The following IPO11 variants were observed in gnomAD, a reference collection of about 807,000 sequenced individuals.
IPO11 encodes importin 11.
In IPO11, 66 loss-of-function variants were observed where a neutral mutation model predicts 143.2. That is an observed-to-expected ratio of 0.46 (90% CI 0.38 to 0.57). The LOEUF is 0.57. Ranked by LOEUF, IPO11 falls within the 20% of genes least tolerant of loss-of-function variation. The pLI is 0.00. For synonymous variants in IPO11, 385 were observed against 377.8 expected (o/e 1.02, Z -0.22); for missense variants, 1,026 against 1,141.0 (o/e 0.90, Z 1.45).
chr5:62,600,953 A>AT (rs1278770523), intron 28 of IPO11, among the ~76,000 whole-genome samples: 2 of 152,236 alleles, frequency 1.3e-5, no homozygotes, highest in African/African-American at 4.8e-5. Flanking sequence ...TTAGTTCTGT[A>AT]TTAAAAGCTG....
Position 62,477,693 on chromosome 5 carries a change from A to G in IPO11, c.828+940A>G, listed in dbSNP as rs1329935860. 3.3e-5 allele frequency among the ~76,000 whole-genome samples: 5 copies of G among 152,248 alleles called. No homozygotes were observed. In the East Asian group the frequency reaches 7.7e-4, roughly 23 times the overall value. ...CTTGCCTGCGGCTCTGCTGCCTCACAGTCCCTACTCACTATATCAGTTACA... is the reference window on the plus strand; with the variant it reads ...CTTGCCTGCGGCTCTGCTGCCTCACGGTCCCTACTCACTATATCAGTTACA... On this transcript the variant is annotated intron_variant, in intron 9 of 29. Coordinates refer to ENST00000325324, the MANE Select transcript of IPO11 (RefSeq NM_016338.5).
intron 25 of IPO11, among the ~76,000 whole-genome samples, chr5:62,551,022 T>TATAC (rs1166616107): frequency 6.8e-6 from 1 of 147,634 alleles, no homozygotes; most frequent in Non-Finnish European, 1.5e-5. Context: ...CTTTATTGTA[T>TATAC]ATATATATAT....
At chr5:62,474,152 T>G (rs576287654) in intron 7 of IPO11, among the ~76,000 whole-genome samples, 1 of 152,304 alleles carries the variant, frequency 6.6e-6, no homozygotes, top group Admixed American at 6.5e-5. Context: ...TGAAACAGGA[T>G]GCTTAAAAAG....
intron 9 of IPO11, among the ~76,000 whole-genome samples, chr5:62,480,015 A>G (rs535066534): frequency 1.3e-4 from 20 of 152,296 alleles, no homozygotes; most frequent in Admixed American, 3.9e-4. Context: ...GTCTTTGCCC[A>G]TACCTATGTC....
At chr5:62,624,980 C>CAAAAAAAAAAAAA (rs141431600) in intron 29 of IPO11, among the ~76,000 whole-genome samples, 1 of 89,716 alleles carries the variant, frequency 1.1e-5, no homozygotes, top group Non-Finnish European at 2.2e-5. Flanking sequence ...GCGAGAGACT[C>CAAAAAAAAAAAAA]AAAAAAAAAA....
intron 1 of IPO11, among the ~76,000 whole-genome samples, chr5:62,430,081 T>A (rs186581651): frequency 6.6e-6 from 1 of 152,258 alleles, no homozygotes; most frequent in African/African-American, 2.4e-5. Context: ...ATTTACCCAT[T>A]CATCACATGA....
At chr5:62,569,563 A>G (rs970401246) in intron 27 of IPO11, among the ~76,000 whole-genome samples, 1 of 152,106 alleles carries the variant, frequency 6.6e-6, no homozygotes, top group Non-Finnish European at 1.5e-5. Context: ...CCTAGTTTCC[A>G]TTATCTGATT....
In IPO11 at chr5:62,442,967, T is replaced by C; in HGVS notation, c.139-16T>C. 4.3e-6 allele frequency: 6 copies of C among 1,407,868 alleles called. No homozygotes were observed. Among genetic ancestry groups the C allele is most frequent in the Non-Finnish European group, 6.0e-6 (6 of 1,006,056 alleles). 87.2% of individuals were successfully genotyped at this position (1,407,868 alleles called of 1,614,324 possible). On this transcript the variant is annotated splice_polypyrimidine_tract_variant and intron_variant, in intron 2 of 29. Transcript: ENST00000325324. ...TTATTCCATGCTAATTCTAATATTA[T>C]GTTTTTTATTTATAGAATATTTTCA...
chr5:62,603,730 C>A (rs188320052), intron 29 of IPO11, among the ~76,000 whole-genome samples: 1 of 152,344 alleles, frequency 6.6e-6, no homozygotes, highest in Admixed American at 6.5e-5. Flanking sequence ...CATGCAAACT[C>A]CACACAGACA....
chr5:62,462,567 G>A (rs1183017398), intron 5 of IPO11, among the ~76,000 whole-genome samples: 1 of 150,940 alleles, frequency 6.6e-6, no homozygotes, highest in Non-Finnish European at 1.5e-5. Flanking sequence ...ACAGGGTTTT[G>A]TCTCCCAAGC....
intron 27 of IPO11, among the ~76,000 whole-genome samples, chr5:62,588,396 T>C (rs1412959428): frequency 1.3e-5 from 2 of 152,082 alleles, no homozygotes. Flanking sequence ...TGCCCCCAGC[T>C]AATTTTCTTC....
intron 27 of IPO11, among the ~76,000 whole-genome samples, chr5:62,566,716 T>C (rs1455372039): frequency 2.0e-5 from 3 of 148,112 alleles, no homozygotes; most frequent in African/African-American, 7.6e-5. Flanking sequence ...CCAGCCTGGG[T>C]GACACAGTAA....
chr5:62,461,949 G>A (rs933230202), intron 5 of IPO11, among the ~76,000 whole-genome samples: 1 of 152,128 alleles, frequency 6.6e-6, no homozygotes, highest in African/African-American at 2.4e-5. Context: ...CAAAGTTAAG[G>A]ATTTTGAAGC....
At chr5:62,444,097 C>CT (rs533439906) in intron 3 of IPO11, among the ~76,000 whole-genome samples, 24,485 of 139,102 alleles carry the variant, frequency 0.18, 2,330 homozygotes, top group East Asian at 0.31. Flanking sequence ...ATGTCTTTTT[C>CT]TTTTTTTTTT....
intron 16 of IPO11, among the ~76,000 whole-genome samples, chr5:62,496,202 C>G (rs565784281): frequency 6.6e-6 from 1 of 151,724 alleles, no homozygotes; most frequent in South Asian, 2.1e-4. Context: ...GCAGGAGAAT[C>G]GCTTGAACCT....
chr5:62,526,116 A>G (rs769234643), intron 20 of IPO11, 26 bp from the exon 21 acceptor site: 3 of 1,480,666 alleles, frequency 2.0e-6, no homozygotes, highest in African/African-American at 1.4e-5. Flanking sequence ...GTGTCTTATT[A>G]TAAGTTTTAT....
chr5:62,498,359 T>C (rs1217340558), intron 16 of IPO11, among the ~76,000 whole-genome samples: 1 of 152,156 alleles, frequency 6.6e-6, no homozygotes, highest in African/African-American at 2.4e-5. Flanking sequence ...TCCCTTCCTT[T>C]CCCCTTTATA....
intron 9 of IPO11, among the ~76,000 whole-genome samples, chr5:62,482,065 GT>G (rs762294440): frequency 9.9e-5 from 15 of 152,272 alleles, no homozygotes; most frequent in Non-Finnish European, 2.1e-4. Flanking sequence ...AGATTTTCTA[GT>G]TTATATGCTT....
chr5:62,476,602 A>G (rs1345166947), intron 8 of IPO11, 81 bp from the exon 9 acceptor site: 1 of 1,365,782 alleles, frequency 7.3e-7, no homozygotes, highest in Non-Finnish European at 9.9e-7. Flanking sequence ...TAAAACCAGC[A>G]ATATTATTTT....
Sources: allele counts gnomAD v4.1 joint callset (sites outside exome capture counted in the v4.1 genomes callset), GRCh38; gene constraint gnomAD v4.1.1; transcripts MANE v1.5; gene names NCBI Gene and HGNC (gene_info 2026-07-23, HGNC 2026-07-21).